MCM3AP: variants seen among roughly 807,000 people sequenced by gnomAD.
MCM3AP encodes minichromosome maintenance complex component 3 associated protein.
A neutral mutation model predicts 184.1 loss-of-function variants in MCM3AP; 126 were observed. The observed-to-expected ratio is 0.68, with a 90% CI of 0.59 to 0.79. MCM3AP has a LOEUF of 0.79. Among genes scored for constraint, MCM3AP ranks in the 30% least tolerant of loss-of-function variants. The pLI, the probability that MCM3AP is intolerant of heterozygous loss-of-function variation, is 0.00. For synonymous variants in MCM3AP, 1,002 were observed against 979.3 expected (o/e 1.02, Z -0.43); for missense variants, 2,496 against 2,479.2 (o/e 1.01, Z -0.14).
Position 46,272,557 on chromosome 21 carries a change from T to G in MCM3AP, c.2465+4A>C. 1 of 1,610,218 alleles carries G rather than the reference T, an allele frequency of 6.2e-7. No homozygotes were observed. Among genetic ancestry groups the G allele is most frequent in the South Asian group, 1.1e-5 (1 of 90,744 alleles). Reference sequence around the variant, plus strand: ...TAGGACAACTTTTGGATGTGAAAATTCACCTTAGGATGTCTCCCTTGTTGA... The same window carrying G: ...TAGGACAACTTTTGGATGTGAAAATGCACCTTAGGATGTCTCCCTTGTTGA... On this transcript the variant is annotated splice_donor_region_variant and intron_variant, in intron 8 of 27. Coordinates refer to ENST00000291688, the MANE Select transcript of MCM3AP (RefSeq NM_003906.5).
At position 46,261,308 on chromosome 21, in the gene MCM3AP, G is replaced by C; in HGVS notation, c.3439C>G (p.Gln1147Glu). 1 of 1,614,114 alleles carries C rather than the reference G, an allele frequency of 6.2e-7. No individual in the cohort carries two copies. The highest frequency in any genetic ancestry group is 8.5e-7 in the Non-Finnish European group (1 of 1,180,016). ...TCCTCTTCAGCCCGCTGCCTCTCCT[G>C]CTCCCTTCGCTCTCTTTCCTTAGAC... is the stretch of plus-strand genomic sequence containing the variant. The part of the protein sequence containing the change: ...EVSKERERRE[Q>E]ERQRAEEERL... The change falls in exon 14 of 28, where the codon CAG (glutamine) becomes GAG (glutamate). Residue 1147 changes from glutamine to glutamate, a missense_variant. Gln to Glu is a conservative substitution (Grantham distance 29). Coordinates refer to ENST00000291688, the MANE Select transcript of MCM3AP (RefSeq NM_003906.5).
chr21:46,259,169 G>GA (rs2081003047), intron 15 of MCM3AP, 78 bp from the exon 16 acceptor site: 1 of 1,465,356 alleles, frequency 6.8e-7, no homozygotes, highest in Non-Finnish European at 9.3e-7. Flanking sequence ...AAAAGTGCAA[G>GA]AGTCAGTCAG....
At chr21:46,246,211 G>C (rs2080764658) in intron 22 of MCM3AP, 96 bp downstream of exon 22, 2 of 756,894 alleles carry the variant, frequency 2.6e-6, no homozygotes, top group African/African-American at 1.7e-5. Flanking sequence ...TTAAGAAAAA[G>C]ACAATGCAAA....
chr21:46,271,328 T>A (rs2081177012), intron 8 of MCM3AP, among the ~76,000 whole-genome samples: 1 of 132,254 alleles, frequency 7.6e-6, no homozygotes, highest in African/African-American at 2.6e-5. Context: ...ACACCTGGGT[T>A]TTTTTTTTTT....
intron 27 of MCM3AP, among the ~76,000 whole-genome samples, chr21:46,236,519 T>A (rs1317397241): frequency 2.0e-5 from 3 of 152,234 alleles, no homozygotes; most frequent in Non-Finnish European, 2.9e-5. Context: ...TCAGACAATA[T>A]GTGCTCCAAC....
chr21:46,261,015 T>G lies in MCM3AP; in HGVS notation c.3468-109A>C. On this transcript the variant is annotated intron_variant, in intron 14 of 27. Coordinates refer to ENST00000291688, the MANE Select transcript of MCM3AP (RefSeq NM_003906.5). ...CAGGGATTGAGGTGTGCTGCCTGAG[T>G]CGGTAGGCCACCCCTACTCCAGCTC... The G allele has an allele frequency of 3.2e-6, 3 of 928,410 alleles. No individual in the cohort carries two copies. The South Asian group carries it at 4.5e-5, about 14-fold the overall frequency. 57.5% of individuals were successfully genotyped at this position (928,410 alleles called of 1,614,324 possible).
chr21:46,275,539 C>T (rs17176282), intron 5 of MCM3AP, among the ~76,000 whole-genome samples: 38 of 152,214 alleles, frequency 2.5e-4, no homozygotes, highest in African/African-American at 8.9e-4. Context: ...CCCAAAGACC[C>T]GAGTCCACCT....
At chr21:46,282,664 G>A (rs1376428326) in intron 2 of MCM3AP, among the ~76,000 whole-genome samples, 1 of 151,862 alleles carries the variant, frequency 6.6e-6, no homozygotes, top group East Asian at 2.0e-4. Flanking sequence ...AATTAGCCGG[G>A]TGTGGTGGCG....
chr21:46,249,535 T>C, intron 20 of MCM3AP: 1 of 444,116 alleles, frequency 2.3e-6, no homozygotes. Flanking sequence ...AGCTAAACTA[T>C]GAAGCAAATG....
At chr21:46,275,652 T>C (rs1439573912) in intron 5 of MCM3AP, among the ~76,000 whole-genome samples, 1 of 152,078 alleles carries the variant, frequency 6.6e-6, no homozygotes, top group Non-Finnish European at 1.5e-5. Flanking sequence ...CAGGGGAGTG[T>C]CCTCACTTTC....
chr21:46,249,522 C>T (rs568100765), intron 20 of MCM3AP: 14 of 438,178 alleles, frequency 3.2e-5, no homozygotes, highest in South Asian at 9.8e-5. Flanking sequence ...ATTTTACAAA[C>T]GTAGCTAAAC....
rs936766475 is a variant in MCM3AP, at chr21:46,270,281, C to A, written c.2628+120G>T. The A allele has an allele frequency of 4.2e-6, 4 of 947,240 alleles. No individual in the cohort carries two copies. In the African/African-American group the frequency reaches 5.0e-5, roughly 12 times the overall value. The allele number at this position is 947,240 out of a possible 1,614,324, so 58.7% of individuals were successfully genotyped here. A position where few individuals can be genotyped will look rare whatever the true frequency, so the allele number is the denominator to read the frequency against. ...CGGTAACCCCTTCGTGGGGCTGCTG[C>A]AAGGGTGACACAGCATCAGCCTGAG... is the stretch of plus-strand genomic sequence containing the variant. On this transcript the variant is annotated intron_variant, in intron 9 of 27. Coordinates refer to ENST00000291688, the MANE Select transcript of MCM3AP (RefSeq NM_003906.5).
chr21:46,283,791 TGCTCTC>T lies in MCM3AP; in HGVS notation c.1261_1266del (p.Glu421_Ser422del). On this transcript the variant is annotated inframe_deletion, in exon 2 of 28. Transcript: ENST00000291688. ...GGAGACAAGCCCCCAAGACTGTCTGTGCTCTCGCTTCTGTTACTCTGACGCGCCGGA... is the reference window on the plus strand; with the variant it reads ...GGAGACAAGCCCCCAAGACTGTCTGTGCTTCTGTTACTCTGACGCGCCGGA... 6.2e-7 allele frequency: 1 copy of T among 1,614,124 alleles called. No individual in the cohort carries two copies. The highest frequency in any genetic ancestry group is 1.1e-5 in the South Asian group (1 of 91,084).
chr21:46,263,316 C>T (rs1388857235), intron 13 of MCM3AP, among the ~76,000 whole-genome samples: 1 of 151,486 alleles, frequency 6.6e-6, no homozygotes, highest in African/African-American at 2.4e-5. Flanking sequence ...GGCGACAGAG[C>T]GAGACTCCGT....
rs1327342984 is a variant in MCM3AP, at chr21:46,246,710, A to G, written c.4467T>C (p.Ala1489=). The G allele has an allele frequency of 1.9e-6, 3 of 1,614,244 alleles. No homozygotes were observed. The East Asian group carries it at 6.7e-5, about 36-fold the overall frequency. The change falls in exon 21 of 28, where the codon GCT becomes GCC. Residue 1489 remains alanine, a synonymous_variant. Transcript: ENST00000291688. ...GAGGAAGCGCAGGCTGGAAGGGCTT[A>G]GCCTGCAGGAGCTGCTTGAGCTGCA... ...ALLQLKQLLQ[A]KPFQPALPLV... is the part of the protein sequence containing the mutation.
Position 46,260,825 on chromosome 21 carries a change from C to T in MCM3AP, c.3549G>A (p.Glu1183=). The change falls in exon 15 of 28, where the codon GAG becomes GAA. Residue 1183 remains glutamate (E), a synonymous_variant. Transcript: ENST00000291688. Reference sequence around the variant, plus strand: ...CCTGGGAGCAGGTTTCCCTCACAAACTCCATCATCACGCGTTCCATCAGCT... The same window carrying T: ...CCTGGGAGCAGGTTTCCCTCACAAATTCCATCATCACGCGTTCCATCAGCT... ...AVELMERVMM[E]FVRETCSQEL... is the part of the protein sequence containing the mutation. 1 of 1,614,126 alleles carries T rather than the reference C, an allele frequency of 6.2e-7. No homozygotes were observed. The highest frequency in any genetic ancestry group is 1.1e-5 in the South Asian group (1 of 91,080).
At position 46,260,784 on chromosome 21, in the gene MCM3AP, T is replaced by C. The variant is rs747926029; in HGVS notation, c.3581+9A>G. The C allele has an allele frequency of 1.1e-5, 17 of 1,599,968 alleles. No individual in the cohort carries two copies. The highest frequency in any genetic ancestry group is 1.4e-5 in the Non-Finnish European group (16 of 1,167,118). ...TCCTGGCACAGCAAGACACCAGCGTTTCACTTACTTCAACTCCTGGGAGCA... is the reference window on the plus strand; with the variant it reads ...TCCTGGCACAGCAAGACACCAGCGTCTCACTTACTTCAACTCCTGGGAGCA... On this transcript the variant is annotated intron_variant, in intron 15 of 27. Coordinates refer to ENST00000291688, the MANE Select transcript of MCM3AP (RefSeq NM_003906.5).
At chr21:46,278,738 A>C (rs1433064147) in intron 4 of MCM3AP, among the ~76,000 whole-genome samples, 1 of 151,874 alleles carries the variant, frequency 6.6e-6, no homozygotes. Context: ...CAGTGGCGCA[A>C]TCTCGGCTCA....
chr21:46,265,054 T>C (rs1249201704), intron 12 of MCM3AP, among the ~76,000 whole-genome samples: 1 of 152,214 alleles, frequency 6.6e-6, no homozygotes, highest in Non-Finnish European at 1.5e-5. Context: ...ATGCTGCCAA[T>C]GATCCCGTCA....
Sources: gnomAD v4.1 joint callset for allele counts (sites outside exome capture counted in the v4.1 genomes callset) on GRCh38, gnomAD v4.1.1 for gene constraint, MANE v1.5 for transcripts, NCBI Gene and HGNC (gene_info 2026-07-23, HGNC 2026-07-21) for gene names.